The following WDR59 variants were observed in gnomAD, a reference collection of about 807,000 sequenced individuals.
The protein encoded by WDR59 is WD repeat domain 59, also known as GATOR2 complex protein WDR59.
Under a neutral mutation model 131.2 loss-of-function variants are expected in WDR59, and 100 were observed. The ratio of observed to expected loss-of-function variants is 0.76; its 90% CI spans 0.65 to 0.90. The LOEUF (loss-of-function observed/expected upper bound fraction) is 0.90, where lower values mean the gene tolerates loss of function less well. Ranked by LOEUF, WDR59 falls within the 40% of genes least tolerant of loss-of-function variation. WDR59 has a pLI of 0.00. For synonymous variants in WDR59, 601 were observed against 466.2 expected, an observed-to-expected ratio of 1.29 and a Z score of -3.72; for missense variants, 1,203 against 1,262.2, an observed-to-expected ratio of 0.95 and a Z score of 0.71.
intron 11 of WDR59, among the ~76,000 whole-genome samples, 177 bp downstream of exon 11, chr16:74,917,752 T>G (rs1966460791): frequency 7.3e-6 from 1 of 137,718 alleles, no homozygotes; most frequent in Admixed American, 8.6e-5. Flanking sequence ...GAGGTTGCAG[T>G]GAGCCAAGAT....
intron 8 of WDR59, among the ~76,000 whole-genome samples, chr16:74,937,115 A>G (rs2031862582): frequency 6.6e-6 from 1 of 151,078 alleles, no homozygotes; most frequent in Non-Finnish European, 1.5e-5. Flanking sequence ...CCTGACCACA[A>G]GGAGGAACTA....
chr16:74,877,824 C>A lies in WDR59; in HGVS notation c.2690-3380G>T, dbSNP rs539581167. On this transcript the variant is annotated intron_variant, in intron 25 of 25. Coordinates refer to ENST00000262144, the MANE Select transcript of WDR59 (RefSeq NM_030581.4). ...CTTCCCAAAGTGCTAGGATTACAGG[C>A]GTGAGCCACCGCGCCCCGCCTGCTG... 1.4e-4 allele frequency among the ~76,000 whole-genome samples: 21 copies of A among 152,304 alleles called. No homozygotes were observed. In the South Asian group the frequency reaches 4.2e-3, roughly 30 times the overall value.
intron 13 of WDR59, among the ~76,000 whole-genome samples, chr16:74,912,828 G>A (rs1285895025): frequency 2.0e-5 from 3 of 152,312 alleles, no homozygotes; most frequent in East Asian, 3.9e-4. Flanking sequence ...TGAAATAAAG[G>A]GATGGGCTGT....
intron 1 of WDR59, among the ~76,000 whole-genome samples, chr16:74,977,080 A>AGTGGTAACT (rs1299158760): frequency 6.6e-6 from 1 of 152,096 alleles, no homozygotes; most frequent in African/African-American, 2.4e-5. Flanking sequence ...TCATCAAAAG[A>AGTGGTAACT]CAGCACATAG....
intron 1 of WDR59, among the ~76,000 whole-genome samples, chr16:74,974,637 G>C (rs943465304): frequency 2.0e-5 from 3 of 152,100 alleles, no homozygotes; most frequent in Non-Finnish European, 4.4e-5. Flanking sequence ...GAGCCTCCCT[G>C]TGCCTCAACT....
chr16:74,942,845 G>A lies in WDR59; in HGVS notation c.446-19C>T, dbSNP rs2032338536. The A allele has an allele frequency of 2.5e-6, 4 of 1,611,190 alleles. No individual in the cohort carries two copies. Among genetic ancestry groups the A allele is most frequent in the Non-Finnish European group, 3.4e-6 (4 of 1,178,024 alleles). On this transcript the variant is annotated intron_variant, in intron 6 of 25. Coordinates refer to ENST00000262144, the MANE Select transcript of WDR59 (RefSeq NM_030581.4). Reference sequence around the variant, plus strand: ...GCACCCGCTGCAAAGAAAAATCAGGGAAGAAAGCTGCTGCCCTTGGTGCTT... The same window carrying A: ...GCACCCGCTGCAAAGAAAAATCAGGAAAGAAAGCTGCTGCCCTTGGTGCTT...
At chr16:74,966,067 G>C (rs1168715050) in intron 1 of WDR59, among the ~76,000 whole-genome samples, 3 of 151,984 alleles carry the variant, frequency 2.0e-5, no homozygotes, top group Admixed American at 2.0e-4. Context: ...TCCAACTCCT[G>C]GTCTCAAGTG....
chr16:74,916,561 C>G (rs1403089826), intron 11 of WDR59, among the ~76,000 whole-genome samples: 1 of 152,076 alleles, frequency 6.6e-6, no homozygotes, highest in African/African-American at 2.4e-5. Flanking sequence ...AATCCAGGAG[C>G]AAAAATATCA....
Position 74,871,977 on chromosome 16 carries a change from G to A in WDR59, c.*2232C>T, listed in dbSNP as rs1223908181. On this transcript the variant is annotated 3_prime_UTR_variant, in exon 26 of 26. Coordinates refer to ENST00000262144, the MANE Select transcript of WDR59 (RefSeq NM_030581.4). The stretch of plus-strand genomic sequence containing the variant: ...TTGTGCCCAGTAACACAGGGGACGA[G>A]GTATAAGCTTCATCCAAAACAGTGT... The A allele has an allele frequency of 1.3e-5, 2 of 152,186 alleles. No homozygotes were observed. Among genetic ancestry groups the A allele is most frequent in the Non-Finnish European group, 1.5e-5 (1 of 68,032 alleles). The allele number at this position is 152,186 out of a possible 1,614,324, so 9.4% of individuals were successfully genotyped here.
At chr16:74,876,821 C>T (rs186773103) in intron 25 of WDR59, among the ~76,000 whole-genome samples, 48 of 152,234 alleles carry the variant, frequency 3.2e-4, no homozygotes, top group Admixed American at 2.2e-3. Flanking sequence ...CTTGCTGGTG[C>T]GTGCTTCCTC....
intron 1 of WDR59, among the ~76,000 whole-genome samples, chr16:74,980,865 G>C (rs1405610576): frequency 6.6e-6 from 1 of 151,790 alleles, no homozygotes; most frequent in East Asian, 1.9e-4. Context: ...CAGCTACTCA[G>C]GAGGCAGGAG....
At chr16:74,973,975 G>C (rs547631330) in intron 1 of WDR59, among the ~76,000 whole-genome samples, 1 of 152,118 alleles carries the variant, frequency 6.6e-6, no homozygotes, top group African/African-American at 2.4e-5. Flanking sequence ...TTCGAGACCA[G>C]CCTGGCCAAC....
At chr16:74,912,928 T>C (rs149057966) in intron 13 of WDR59, among the ~76,000 whole-genome samples, 2,735 of 152,356 alleles carry the variant, frequency 0.018, 35 homozygotes, top group Non-Finnish European at 0.024. Context: ...AGCGGTTTTC[T>C]GCCCTGGGTG....
Position 74,930,237 on chromosome 16 carries a change from G to A in WDR59, c.652-6234C>T, listed in dbSNP as rs559352382. On this transcript the variant is annotated intron_variant, in intron 8 of 25. Transcript: ENST00000262144. ...CAGAAAAAAATGATAAATGCTTGAG[G>A]TGATGGACACCCAATTTGCCCTAAT... 5.3e-5 allele frequency among the ~76,000 whole-genome samples: 8 copies of A among 152,264 alleles called. No individual in the cohort carries two copies. The South Asian group carries it at 1.5e-3, about 28-fold the overall frequency.
intron 20 of WDR59, among the ~76,000 whole-genome samples, chr16:74,891,112 CAAA>C (rs1220561474): frequency 1.2e-4 from 8 of 65,440 alleles, no homozygotes; most frequent in Non-Finnish European, 9.4e-5. Context: ...GACTCTGTCT[CAAA>C]AAAAAAAAAA....
At chr16:74,874,779 CG>C (rs1243843075) in intron 25 of WDR59, among the ~76,000 whole-genome samples, 11 of 152,074 alleles carry the variant, frequency 7.2e-5, no homozygotes, top group African/African-American at 2.7e-4. Context: ...TTAGTAGAGA[CG>C]GGGTTTCGCC....
Position 74,941,963 on chromosome 16 carries a change from C to A in WDR59, c.534+775G>T, listed in dbSNP as rs138256557. On this transcript the variant is annotated intron_variant, in intron 7 of 25. Transcript: ENST00000262144. ...CCACAATGCCTGAGCATCTGTAGCCCCAGGTCTCACAGGCAGGAAGCAGGA... is the reference window on the plus strand; with the variant it reads ...CCACAATGCCTGAGCATCTGTAGCCACAGGTCTCACAGGCAGGAAGCAGGA... Among the ~76,000 whole-genome samples, 605 of 152,192 alleles carry A rather than the reference C, an allele frequency of 4.0e-3. 7 individuals carry two copies. The highest frequency in any genetic ancestry group is 0.014 in the African/African-American group (579 of 41,522).
intron 20 of WDR59, 47 bp downstream of exon 20, chr16:74,892,437 G>T: frequency 6.8e-7 from 1 of 1,466,596 alleles, no homozygotes; most frequent in Non-Finnish European, 9.5e-7. Flanking sequence ...AAAACAATTT[G>T]CTCCTGAAGA....
chr16:74,981,654 A>ATT (rs1430602702), intron 1 of WDR59, among the ~76,000 whole-genome samples: 6 of 10,578 alleles, frequency 5.7e-4, no homozygotes, highest in South Asian at 5.7e-3. Context: ...ATATATATAT[A>ATT]TATATATTTT....
Sources: allele counts gnomAD v4.1 joint callset (sites outside exome capture counted in the v4.1 genomes callset), GRCh38; gene constraint gnomAD v4.1.1; transcripts MANE v1.5; gene names NCBI Gene and HGNC (gene_info 2026-07-23, HGNC 2026-07-21).